Variants in RGS5 observed in about 807,000 individuals in gnomAD.
RGS5 encodes the protein regulator of G-protein signalling 5.
A neutral mutation model predicts 18.9 loss-of-function variants in RGS5; 20 were observed. That is an observed-to-expected ratio of 1.06 (90% CI 0.74 to 1.54). RGS5 has a LOEUF of 1.54. Ranked by LOEUF, RGS5 falls within the 40% of genes most tolerant of loss-of-function variation. The pLI is 0.00. For missense variants in RGS5, 201 were observed against 211.8 expected (o/e 0.95, Z 0.32); for synonymous variants, 57 against 76.2 (o/e 0.75, Z 1.31).
At chr1:163,214,509 T>A (rs1660175044) in intron 1 of RGS5, among the ~76,000 whole-genome samples, 1 of 152,026 alleles carries the variant, frequency 6.6e-6, no homozygotes, top group South Asian at 2.1e-4. Context: ...TCTCCCTCTA[T>A]CTCCTTCATC....
Position 163,147,477 on chromosome 1 carries a change from G to A in RGS5, c.411C>T (p.Asp137=), listed in dbSNP as rs184030171. The part of the protein sequence containing the change: ...KEVNIDHFTK[D]ITMKNLVEPS... ...GTTCCACCAGGTTCTTCATTGTGAT[G>A]TCCTTAGTGAAGTGGTCAATATTCA... Residue 137 remains aspartate (D), a synonymous_variant, in exon 5 of 5, where the codon GAC becomes GAT. Transcript: ENST00000313961. 6.2e-7 allele frequency: 1 copy of A among 1,609,066 alleles called. No homozygotes were observed. The highest frequency in any genetic ancestry group is 8.5e-7 in the Non-Finnish European group (1 of 1,177,686).
intron 2 of RGS5, among the ~76,000 whole-genome samples, chr1:163,224,695 C>T (rs1305167553): frequency 5.3e-5 from 8 of 152,166 alleles, no homozygotes; most frequent in African/African-American, 1.7e-4. Context: ...CATATCCTCA[C>T]CAGCATTTGT....
At chr1:163,306,717 T>C (rs936877161) in intron 1 of RGS5, among the ~76,000 whole-genome samples, 13 of 152,136 alleles carry the variant, frequency 8.5e-5, no homozygotes, top group African/African-American at 2.9e-4. Flanking sequence ...CCAATGTCCT[T>C]ATTAAAAAAA....
chr1:163,166,749 G>A (rs572980407), intron 2 of RGS5, among the ~76,000 whole-genome samples: 14 of 152,336 alleles, frequency 9.2e-5, no homozygotes, highest in African/African-American at 3.4e-4. Context: ...GTCAGCCCCA[G>A]GGTTTCTTCC....
Position 163,152,626 on chromosome 1 carries a change from A to T in RGS5, c.308T>A (p.Ile103Asn), listed in dbSNP as rs1386893999. Residue 103 changes from isoleucine (I) to asparagine (N), a missense_variant, in exon 4 of 5, where the codon ATC (isoleucine) becomes AAC (asparagine). Transcript: ENST00000313961. ...CTCAGCCATCTTGGCAGGGGACTTG[A>T]TCTTCTTGTAATCCTCACAGGCAAT... is the stretch of plus-strand genomic sequence containing the variant. ...FWIACEDYKK[I>N]KSPAKMAEKA... is the part of the protein sequence containing the mutation. 1 of 1,613,024 alleles carries T rather than the reference A, an allele frequency of 6.2e-7. No homozygotes were observed. Among genetic ancestry groups the T allele is most frequent in the Non-Finnish European group, 8.5e-7 (1 of 1,179,372 alleles).
At chr1:163,251,165 T>G (rs1174592211) in intron 2 of RGS5, among the ~76,000 whole-genome samples, 1 of 152,162 alleles carries the variant, frequency 6.6e-6, no homozygotes, top group Non-Finnish European at 1.5e-5. Context: ...CGAGATGAAC[T>G]CGATCCTCTG....
At chr1:163,258,166 T>C (rs571825918) in intron 2 of RGS5, among the ~76,000 whole-genome samples, 70 of 152,252 alleles carry the variant, frequency 4.6e-4, no homozygotes, top group Non-Finnish European at 8.4e-4. Context: ...AATCTGTTCA[T>C]AGAAGAATTA....
intron 1 of RGS5, among the ~76,000 whole-genome samples, chr1:163,193,314 G>T (rs1301279397): frequency 1.3e-5 from 2 of 152,120 alleles, no homozygotes; most frequent in Non-Finnish European, 2.9e-5. Context: ...AACCAACATG[G>T]TCATCAAGTA....
chr1:163,165,112 G>A (rs1171071830), intron 2 of RGS5, among the ~76,000 whole-genome samples: 3 of 152,138 alleles, frequency 2.0e-5, no homozygotes, highest in South Asian at 2.1e-4. Context: ...AGCAAAACAT[G>A]TCATTTTTTG....
chr1:163,246,090 A>G (rs946960942), intron 2 of RGS5, among the ~76,000 whole-genome samples: 5 of 151,794 alleles, frequency 3.3e-5, no homozygotes, highest in East Asian at 1.9e-4. Context: ...GGTGGCGGGC[A>G]CCTGCAGTCC....
rs537501312 is a variant in RGS5, at chr1:163,258,208, C to A, written c.-281+48025G>T. 5.0e-4 allele frequency among the ~76,000 whole-genome samples: 76 copies of A among 152,196 alleles called. 1 individual carries two copies. Among genetic ancestry groups the A allele is most frequent in the Non-Finnish European group, 9.3e-4 (63 of 68,036 alleles). On this transcript the variant is annotated intron_variant, in intron 2 of 5. Transcript: ENST00000618415. ...GGTTTTGAATGTTATTAGTGAAGAA[C>A]CCCAACTAGTTTCTCAGGGCATTCT... is the stretch of plus-strand genomic sequence containing the variant.
intron 1 of RGS5, among the ~76,000 whole-genome samples, chr1:163,209,311 G>A (rs1660044415): frequency 6.6e-6 from 1 of 152,100 alleles, no homozygotes; most frequent in Non-Finnish European, 1.5e-5. Flanking sequence ...GTAGAATACT[G>A]TTTTAATTAT....
intron 1 of RGS5, among the ~76,000 whole-genome samples, chr1:163,214,153 A>G (rs1660169237): frequency 6.6e-6 from 1 of 152,086 alleles, no homozygotes; most frequent in Non-Finnish European, 1.5e-5. Context: ...TGATTTCTCC[A>G]ATGTATTCTT....
chr1:163,233,577 G>A (rs1002257635), intron 2 of RGS5, among the ~76,000 whole-genome samples: 1 of 152,208 alleles, frequency 6.6e-6, no homozygotes, highest in African/African-American at 2.4e-5. Flanking sequence ...GAGCAATAAA[G>A]CTTTTAATCA....
At chr1:163,272,504 T>C (rs1165226836) in intron 2 of RGS5, among the ~76,000 whole-genome samples, 2 of 152,154 alleles carry the variant, frequency 1.3e-5, no homozygotes, top group African/African-American at 4.8e-5. Flanking sequence ...CACAAAGATG[T>C]CCTCCTATGA....
chr1:163,309,768 A>T (rs1649804669), intron 1 of RGS5, among the ~76,000 whole-genome samples: 1 of 152,230 alleles, frequency 6.6e-6, no homozygotes, highest in Non-Finnish European at 1.5e-5. Flanking sequence ...AGAATGGTGA[A>T]TCCTTTCCAG....
intron 2 of RGS5, among the ~76,000 whole-genome samples, chr1:163,248,978 G>A (rs182410847): frequency 2.0e-5 from 3 of 152,274 alleles, no homozygotes; most frequent in Non-Finnish European, 4.4e-5. Flanking sequence ...CATAATGGGA[G>A]GAAGAGGTGA....
chr1:163,232,011 CTA>C (rs1647494716), intron 2 of RGS5, among the ~76,000 whole-genome samples: 1 of 151,176 alleles, frequency 6.6e-6, no homozygotes, highest in Non-Finnish European at 1.5e-5. Context: ...GACCTGGACT[CTA>C]GAGTCATTTT....
At chr1:163,174,786 T>C (rs1009142420) in intron 1 of RGS5, among the ~76,000 whole-genome samples, 2 of 152,242 alleles carry the variant, frequency 1.3e-5, no homozygotes, top group South Asian at 4.1e-4. Flanking sequence ...AGGCTATTCC[T>C]GTGGTTGAAA....
Sources: allele counts gnomAD v4.1 joint callset (sites outside exome capture counted in the v4.1 genomes callset), GRCh38; gene constraint gnomAD v4.1.1; transcripts MANE v1.5; gene names NCBI Gene and HGNC (gene_info 2026-07-23, HGNC 2026-07-21).